Variants in KCTD1 observed in about 807,000 individuals in gnomAD.
KCTD1 encodes potassium channel tetramerization domain containing 1.
KCTD1 carries 24 observed loss-of-function variants against 66.0 expected under a neutral mutation model. The observed-to-expected ratio is 0.36, with a 90% CI of 0.26 to 0.51. The LOEUF (loss-of-function observed/expected upper bound fraction) is 0.51. Ranked by LOEUF, KCTD1 falls within the 20% of genes least tolerant of loss-of-function variation. The pLI is 0.95. For missense variants in KCTD1, 943 were observed against 1,205.2 expected, an observed-to-expected ratio of 0.78 and a Z score of 3.22; for synonymous variants, 511 against 517.2, an observed-to-expected ratio of 0.99 and a Z score of 0.16.
chr18:26,647,346 C>G (rs1466030183), intron 1 of KCTD1, among the ~76,000 whole-genome samples: 1 of 144,428 alleles, frequency 6.9e-6, no homozygotes. Flanking sequence ...CCCCCCATCT[C>G]TACTAAAAAT....
At chr18:26,552,165 TG>T (rs1336487391), upstream of KCTD1, among the ~76,000 whole-genome samples, 1 of 152,206 alleles carries the variant, frequency 6.6e-6, no homozygotes, top group African/African-American at 2.4e-5. Context: ...AATAGTGACA[TG>T]GTTATTTCGG....
At chr18:26,557,838 T>G (rs1036878000) in intron 1 of KCTD1, among the ~76,000 whole-genome samples, 5 of 152,196 alleles carry the variant, frequency 3.3e-5, no homozygotes, top group African/African-American at 9.6e-5. Flanking sequence ...GAAGCCTGCA[T>G]TCTTGAAGCT....
intron 1 of KCTD1, among the ~76,000 whole-genome samples, chr18:26,512,186 C>T (rs1332052247): frequency 6.6e-6 from 1 of 152,082 alleles, no homozygotes; most frequent in Non-Finnish European, 1.5e-5. Context: ...TTACTGCAAC[C>T]TCTGCCTCCT....
Position 26,546,742 on chromosome 18 carries a change from C to G in KCTD1, c.1795G>C (p.Val599Leu). 6.5e-7 allele frequency: 1 copy of G among 1,548,958 alleles called. No homozygotes were observed. The highest frequency in any genetic ancestry group is 8.7e-7 in the Non-Finnish European group (1 of 1,146,024). ...NSPTIVSPAIVSPTQDSRPNM... is the reference protein window; with the variant it reads ...NSPTIVSPAILSPTQDSRPNM... ...GGTTTGGTTACCTGGGTGGGGGAAACAATAGCAGGTGAAACTATTGTGGGA... is the reference window on the plus strand; with the variant it reads ...GGTTTGGTTACCTGGGTGGGGGAAAGAATAGCAGGTGAAACTATTGTGGGA... Residue 599 changes from valine to leucine, a missense_variant, in exon 1 of 5, where the codon GTT becomes CTT. Val to Leu is a conservative substitution (Grantham distance 32). Transcript: ENST00000580059.
chr18:26,535,260 T>C (rs1297785915), intron 1 of KCTD1, among the ~76,000 whole-genome samples: 2 of 152,094 alleles, frequency 1.3e-5, no homozygotes, highest in African/African-American at 4.8e-5. Flanking sequence ...CAGAACTGCA[T>C]TCCTTTTCTC....
At chr18:26,617,436 A>G (rs1987279418) in intron 1 of KCTD1, among the ~76,000 whole-genome samples, 1 of 152,226 alleles carries the variant, frequency 6.6e-6, no homozygotes, top group South Asian at 2.1e-4. Context: ...AAGGCTCTTA[A>G]TAGACAGGAT....
chr18:26,459,582 T>G (rs183826503), intron 4 of KCTD1, 38 bp downstream of exon 4: 1 of 1,529,282 alleles, frequency 6.5e-7, no homozygotes, highest in Non-Finnish European at 8.8e-7. Flanking sequence ...ACAGTAAGAG[T>G]GGCATTTGAT....
chr18:26,579,411 T>C (rs1488678613), intron 1 of KCTD1, among the ~76,000 whole-genome samples: 1 of 152,216 alleles, frequency 6.6e-6, no homozygotes, highest in East Asian at 1.9e-4. Context: ...CTAATTAAAT[T>C]ACATAACAAT....
intron 2 of KCTD1, among the ~76,000 whole-genome samples, chr18:26,477,514 T>C (rs1184928799): frequency 6.6e-6 from 1 of 152,240 alleles, no homozygotes; most frequent in African/African-American, 2.4e-5. Context: ...CATAGAGGGC[T>C]GGCTAATGAC....
At chr18:26,606,279 G>T (rs1472945035) in intron 1 of KCTD1, among the ~76,000 whole-genome samples, 4 of 152,142 alleles carry the variant, frequency 2.6e-5, no homozygotes, top group Non-Finnish European at 2.9e-5. Context: ...AATTTCAAAA[G>T]GGAGGAGGGT....
intron 1 of KCTD1, among the ~76,000 whole-genome samples, chr18:26,524,017 G>C (rs1279942023): frequency 6.6e-6 from 1 of 152,200 alleles, no homozygotes; most frequent in African/African-American, 2.4e-5. Flanking sequence ...GACTGCAGCA[G>C]TCACACTGGA....
intron 1 of KCTD1, among the ~76,000 whole-genome samples, chr18:26,518,859 C>G (rs1341725541): frequency 6.6e-6 from 1 of 152,144 alleles, no homozygotes; most frequent in Non-Finnish European, 1.5e-5. Context: ...TCTCCTTATC[C>G]CCTCTGTTTT....
At chr18:26,652,602 T>C (rs981480458) in intron 1 of KCTD1, among the ~76,000 whole-genome samples, 1 of 152,192 alleles carries the variant, frequency 6.6e-6, no homozygotes, top group Admixed American at 6.5e-5. Context: ...TCCAACTTAG[T>C]CAGACTTGGA....
chr18:26,656,909 G>A (rs1454977224), intron 1 of KCTD1, among the ~76,000 whole-genome samples: 4 of 149,860 alleles, frequency 2.7e-5, no homozygotes, highest in Admixed American at 1.3e-4. Flanking sequence ...AGGGGCTCGG[G>A]GAGGGCGGGG....
intron 1 of KCTD1, among the ~76,000 whole-genome samples, chr18:26,592,047 T>A (rs1043681879): frequency 3.9e-5 from 6 of 152,224 alleles, no homozygotes; most frequent in African/African-American, 1.4e-4. Context: ...AGTTACTTTG[T>A]TAGTCTAGTA....
intron 1 of KCTD1, among the ~76,000 whole-genome samples, chr18:26,614,797 G>A (rs139267181): frequency 1.2e-4 from 18 of 152,142 alleles, no homozygotes; most frequent in African/African-American, 4.1e-4. Flanking sequence ...ACTCGTTAAC[G>A]TGGTGACCTA....
Position 26,540,711 on chromosome 18 carries a change from T to C in KCTD1, c.1809+6017A>G, listed in dbSNP as rs191454725. On this transcript the variant is annotated intron_variant, in intron 1 of 4. Transcript: ENST00000580059. ...ATTTTCTTGATAACATTTTCTTTTC[T>C]CTAGCTTACTTTATTGTAAGAATAC... Among the ~76,000 whole-genome samples, 194 of 152,378 alleles carry C rather than the reference T, an allele frequency of 1.3e-3. 4 individuals carry two copies. Among genetic ancestry groups the C allele is most frequent in the African/African-American group, 4.5e-3 (189 of 41,582 alleles).
upstream of KCTD1, among the ~76,000 whole-genome samples, chr18:26,550,565 G>GAC (rs60922405): frequency 0.092 from 12,930 of 140,366 alleles, 550 homozygotes; most frequent in Middle Eastern, 0.12. This position sits in a 1 kb window ranked among gnomAD's most constrained non-coding sequence, Gnocchi z 5.4. Flanking sequence ...AAGACACACA[G>GAC]ACACACACAC....
chr18:26,469,437 C>T (rs1415665908), intron 3 of KCTD1, among the ~76,000 whole-genome samples: 1 of 152,150 alleles, frequency 6.6e-6, no homozygotes, highest in East Asian at 1.9e-4. Flanking sequence ...AAAATAATGC[C>T]TGCTATGTAG....
Sources: gnomAD v4.1 joint callset for allele counts (sites outside exome capture counted in the v4.1 genomes callset) on GRCh38, gnomAD v4.1.1 for gene constraint, Gnocchi (gnomAD v3.1) non-coding constraint, MANE v1.5 for transcripts, NCBI Gene and HGNC (gene_info 2026-07-23, HGNC 2026-07-21) for gene names.